The following ST14 variants were observed in gnomAD, a reference collection of about 807,000 sequenced individuals.
ST14 encodes suppressor of tumorigenicity 14 protein.
ST14 carries 40 observed loss-of-function variants against 96.5 expected under a neutral mutation model. The ratio of observed to expected loss-of-function variants is 0.41; its 90% CI spans 0.32 to 0.54. ST14 has a LOEUF of 0.54. Among genes scored for constraint, ST14 ranks in the 20% least tolerant of loss-of-function variants. The pLI, the probability that ST14 is intolerant of heterozygous loss-of-function variation, is 0.17. For synonymous variants in ST14, 506 were observed against 492.1 expected (o/e 1.03, Z -0.37); for missense variants, 1,066 against 1,188.9 (o/e 0.90, Z 1.52).
chr11:130,195,299 C>T (rs879556452), intron 9 of ST14, among the ~76,000 whole-genome samples: 9 of 151,962 alleles, frequency 5.9e-5, no homozygotes, highest in Admixed American at 1.3e-4. Context: ...TGTCTTAGGG[C>T]CCAGGGTGGG....
At chr11:130,189,533 A>T (rs1173752687) in intron 4 of ST14, 29 of 636,172 alleles carry the variant, frequency 4.6e-5, no homozygotes, top group Non-Finnish European at 7.3e-5. Context: ...CTGGTTGGGG[A>T]TGAGACTGTG....
rs1953514836 is a variant in ST14 at position 130,208,680 on chromosome 11, T to C, written c.2265T>C (p.Tyr755=). The change falls in exon 17 of 19, where the codon TAT becomes TAC. Residue 755 remains tyrosine (Y), a synonymous_variant. Coordinates refer to ENST00000278742, the MANE Select transcript of ST14 (RefSeq NM_021978.4). ...IWVTGWGHTQ[Y]GGTGALILQK... ...TCACGGGCTGGGGACACACCCAGTATGGAGGTAAGCTTCGGGCTGACCTAG... is the reference window on the plus strand; with the variant it reads ...TCACGGGCTGGGGACACACCCAGTACGGAGGTAAGCTTCGGGCTGACCTAG... 1.2e-6 allele frequency: 2 copies of C among 1,612,902 alleles called. No individual in the cohort carries two copies. Among genetic ancestry groups the C allele is most frequent in the Non-Finnish European group, 1.7e-6 (2 of 1,179,348 alleles).
Position 130,196,594 on chromosome 11 carries a change from C to T in ST14, c.1248C>T (p.Phe416=), listed in dbSNP as rs138855512. 52 of 1,597,998 alleles carry T rather than the reference C, an allele frequency of 3.3e-5. No individual in the cohort carries two copies. Among genetic ancestry groups the T allele is most frequent in the Middle Eastern group, 1.7e-4 (1 of 6,026 alleles). ...GATACTGCGGAGAGAGGTCCCAGTT[C>T]GTCGTCACCAGCAACAGCAACAAGA... ...GEKYCGERSQ[F]VVTSNSNKIT... is the part of the protein sequence containing the mutation. Residue 416 remains phenylalanine (F), a synonymous_variant, in exon 11 of 19, where the codon TTC becomes TTT. Coordinates refer to ENST00000278742, the MANE Select transcript of ST14 (RefSeq NM_021978.4).
intron 8 of ST14, 97 bp downstream of exon 8, chr11:130,194,385 A>AC: frequency 6.5e-7 from 1 of 1,546,062 alleles, no homozygotes; most frequent in Non-Finnish European, 8.8e-7. Context: ...CACAGGCTAG[A>AC]CCCTGTGGTT....
At chr11:130,208,152 A>C (rs1056099651) in intron 16 of ST14, among the ~76,000 whole-genome samples, 4 of 152,236 alleles carry the variant, frequency 2.6e-5, no homozygotes, top group Admixed American at 6.5e-5. Context: ...TCGTAAGATA[A>C]CTAATTTTTG....
At chr11:130,204,245 G>A (rs931229916) in intron 16 of ST14, among the ~76,000 whole-genome samples, 1 of 152,214 alleles carries the variant, frequency 6.6e-6, no homozygotes, top group African/African-American at 2.4e-5. Context: ...TGAGTACGTG[G>A]CTGGATGTGA....
rs562067613 is a variant in ST14, at chr11:130,210,113, G to A, written c.*290G>A. On this transcript the variant is annotated 3_prime_UTR_variant, in exon 19 of 19. Coordinates refer to ENST00000278742, the MANE Select transcript of ST14 (RefSeq NM_021978.4). ...CGCCAGCCCCAAGCTGGGCCGAGGC[G>A]CGTTTGTGCATATCTGCCTCCCCTG... is the stretch of plus-strand genomic sequence containing the variant. 1.3e-3 allele frequency: 576 copies of A among 437,526 alleles called. 2 individuals carry two copies. The highest frequency in any genetic ancestry group is 1.9e-3 in the Middle Eastern group (3 of 1,558). The allele number at this position is 437,526 out of a possible 1,614,324, so 27.1% of individuals were successfully genotyped here.
intron 7 of ST14, 100 bp from the exon 8 acceptor site, chr11:130,194,049 G>C (rs1032266571): frequency 8.7e-6 from 13 of 1,500,638 alleles, no homozygotes; most frequent in Non-Finnish European, 1.0e-5. Flanking sequence ...CAGAGTTAGG[G>C]GTGGGGTCCT....
chr11:130,209,167 C>A (rs931007367), intron 17 of ST14, among the ~76,000 whole-genome samples: 1 of 152,168 alleles, frequency 6.6e-6, no homozygotes, highest in Non-Finnish European at 1.5e-5. Flanking sequence ...ATTTGCGGCG[C>A]CTTCCCTCCG....
rs982374789 is a variant in ST14, at chr11:130,209,840, A to C, written c.*17A>C. 2 of 1,612,266 alleles carry C rather than the reference A, an allele frequency of 1.2e-6. No homozygotes were observed. Among genetic ancestry groups the C allele is most frequent in the East Asian group, 4.5e-5 (2 of 44,654 alleles). The stretch of plus-strand genomic sequence containing the variant: ...GGGGTATAGGGGCCGGGGCCACCCA[A>C]ATGTGTACACCTGCGGGGCCACCCA... On this transcript the variant is annotated 3_prime_UTR_variant, in exon 19 of 19. Transcript: ENST00000278742.
chr11:130,188,654 C>A lies in ST14; in HGVS notation c.366C>A (p.Asp122Glu), dbSNP rs140428230. The A allele has an allele frequency of 6.2e-7, 1 of 1,614,204 alleles. No individual in the cohort carries two copies. The highest frequency in any genetic ancestry group is 8.5e-7 in the Non-Finnish European group (1 of 1,180,036). Residue 122 changes from aspartate to glutamate, a missense_variant, in exon 3 of 19, where the codon GAC becomes GAA. Coordinates refer to ENST00000278742, the MANE Select transcript of ST14 (RefSeq NM_021978.4). The surrounding 1 kb of genome is among the most constrained non-coding windows in gnomAD (Gnocchi z 5.4). ...TAAGCCTGGCCAGCAAGGTGAAGGA[C>A]GCGGTGAGTGCAGCCTGCCCAGAGT... The part of the protein sequence containing the change: ...EFVSLASKVK[D>E]ALKLLYSGVP...
chr11:130,193,501 G>A (rs1427834931), intron 7 of ST14, among the ~76,000 whole-genome samples: 5 of 144,430 alleles, frequency 3.5e-5, no homozygotes, highest in Non-Finnish European at 6.1e-5. Flanking sequence ...TGACAGTCTC[G>A]CTGTGTCGCC....
chr11:130,160,264 G>A (rs1952989347), intron 1 of ST14, among the ~76,000 whole-genome samples: 1 of 144,072 alleles, frequency 6.9e-6, no homozygotes, highest in African/African-American at 2.5e-5. Flanking sequence ...GCTGCGCCCC[G>A]CCAGGGGGAG....
At position 130,188,832 on chromosome 11, in the gene ST14, C is replaced by A; in HGVS notation, c.370-37C>A. The stretch of plus-strand genomic sequence containing the variant: ...CCCGGGCTTGGGGCAGGGTCATCGC[C>A]GCATGGGGCTCACCTTGAGTCTCTG... On this transcript the variant is annotated intron_variant, in intron 3 of 18. Coordinates refer to ENST00000278742, the MANE Select transcript of ST14 (RefSeq NM_021978.4). The surrounding 1 kb of genome is among the most constrained non-coding windows in gnomAD (Gnocchi z 5.4). 2.5e-6 allele frequency: 4 copies of A among 1,608,440 alleles called. No individual in the cohort carries two copies. Among genetic ancestry groups the A allele is most frequent in the Non-Finnish European group, 3.4e-6 (4 of 1,177,352 alleles).
At chr11:130,176,377 TTTTTTC>T (rs1953138480) in intron 1 of ST14, among the ~76,000 whole-genome samples, 2 of 151,998 alleles carry the variant, frequency 1.3e-5, no homozygotes, top group African/African-American at 4.8e-5. Context: ...TTCCTTTTTT[TTTTTTC>T]TTTTTCTTTT....
intron 1 of ST14, among the ~76,000 whole-genome samples, chr11:130,177,591 A>G (rs1591881289): frequency 6.6e-6 from 1 of 152,136 alleles, no homozygotes; most frequent in African/African-American, 2.4e-5. Context: ...TTGTTTTGCC[A>G]ACTGCCATCT....
Position 130,209,525 on chromosome 11 carries a change from A to T in ST14, c.2353A>T (p.Thr785Ser), listed in dbSNP as rs1953526774. The change falls in exon 18 of 19, where the codon ACG (threonine) becomes TCG (serine). Residue 785 changes from threonine (T) to serine (S), a missense_variant. Physicochemically the swap from Thr to Ser is moderately conservative, Grantham distance 58. Coordinates refer to ENST00000278742, the MANE Select transcript of ST14 (RefSeq NM_021978.4). ...CGAGAACCTCCTGCCGCAGCAGATC[A>T]CGCCGCGCATGATGTGCGTGGGCTT... ...TCENLLPQQI[T>S]PRMMCVGFLS... The T allele has an allele frequency of 3.2e-6, 5 of 1,579,712 alleles. No homozygotes were observed. The highest frequency in any genetic ancestry group is 4.3e-6 in the Non-Finnish European group (5 of 1,162,640).
intron 1 of ST14, among the ~76,000 whole-genome samples, chr11:130,169,945 C>T (rs531051803): frequency 3.3e-5 from 5 of 152,152 alleles, no homozygotes; most frequent in East Asian, 3.9e-4. Context: ...GCTCTGAGTC[C>T]GGTGACTTGG....
rs376646365 is a variant in ST14, at chr11:130,208,425, G to A, written c.2010G>A (p.Thr670=). Residue 670 remains threonine (T), a synonymous_variant, in exon 17 of 19, where the codon ACG becomes ACA. Coordinates refer to ENST00000278742, the MANE Select transcript of ST14 (RefSeq NM_021978.4). ...TCCCTACCAGGTACTCAGACCCCAC[G>A]CAGTGGACGGCCTTCCTGGGCTTGC... The part of the protein sequence containing the change: ...DDRGFRYSDP[T]QWTAFLGLHD... 5 of 1,613,972 alleles carry A rather than the reference G, an allele frequency of 3.1e-6. No homozygotes were observed. In the Admixed American group the frequency reaches 6.7e-5, roughly 22 times the overall value.
Sources: allele counts gnomAD v4.1 joint callset (sites outside exome capture counted in the v4.1 genomes callset), GRCh38; gene constraint gnomAD v4.1.1; non-coding constraint Gnocchi (gnomAD v3.1); transcripts MANE v1.5; gene names NCBI Gene and HGNC (gene_info 2026-07-23, HGNC 2026-07-21).